Variants in EDEM3 observed in about 807,000 individuals in gnomAD.
The protein encoded by EDEM3 is ER degradation enhancing alpha-mannosidase like protein 3.
Under a neutral mutation model 110.2 loss-of-function variants are expected in EDEM3, and 60 were observed. The observed-to-expected ratio is 0.54, with a 90% CI of 0.44 to 0.67. The LOEUF (loss-of-function observed/expected upper bound fraction) is 0.67, where lower values mean the gene tolerates loss of function less well. EDEM3 is among the 30% of genes least tolerant of loss of function. The probability of loss-of-function intolerance (pLI) is 0.00; values close to 1 mark genes in which losing one functional copy is unlikely to be tolerated. For missense variants in EDEM3, 996 were observed against 1,121.0 expected (o/e 0.89, Z 1.59); for synonymous variants, 352 against 382.9 (o/e 0.92, Z 0.94).
intron 2 of EDEM3, among the ~76,000 whole-genome samples, chr1:184,744,249 A>AACAT (rs1269022771): frequency 1.1e-5 from 1 of 87,594 alleles, no homozygotes; most frequent in Non-Finnish European, 2.3e-5. Flanking sequence ...ACAAATGACA[A>AACAT]ATATATATAT....
intron 2 of EDEM3, among the ~76,000 whole-genome samples, chr1:184,747,307 C>T (rs1483379151): frequency 1.3e-5 from 2 of 152,188 alleles, no homozygotes; most frequent in Non-Finnish European, 2.9e-5. Flanking sequence ...TCAAGCCCTT[C>T]TAACTCCAAA....
At chr1:184,697,993 A>G (rs534132704) in intron 19 of EDEM3, among the ~76,000 whole-genome samples, 1 of 151,468 alleles carries the variant, frequency 6.6e-6, no homozygotes, top group Non-Finnish European at 1.5e-5. Flanking sequence ...GGAAATGCGC[A>G]CACACACAAA....
intron 6 of EDEM3, 46 bp downstream of exon 6, chr1:184,732,791 C>G: frequency 6.5e-7 from 1 of 1,549,082 alleles, no homozygotes; most frequent in Non-Finnish European, 8.7e-7. Context: ...TTTTGTAAAA[C>G]AGCAAAGAAA....
chr1:184,732,173 T>C (rs1355110295), intron 6 of EDEM3, among the ~76,000 whole-genome samples: 3 of 148,164 alleles, frequency 2.0e-5, no homozygotes, highest in Non-Finnish European at 4.5e-5. Flanking sequence ...GAGACTCCAT[T>C]CCCCCCCACC....
intron 9 of EDEM3, chr1:184,721,062 G>C (rs1571381538): frequency 2.5e-6 from 1 of 400,844 alleles, no homozygotes. Context: ...TGGCAGATCT[G>C]CAAAGTTTCT....
At position 184,737,799 on chromosome 1, in the gene EDEM3, TA is replaced by T. The variant is rs1651919091; in HGVS notation, c.205-89del. On this transcript the variant is annotated intron_variant, in intron 2 of 19. Coordinates refer to ENST00000318130, the MANE Select transcript of EDEM3 (RefSeq NM_025191.4). ...ACATAACTTTTTCACAGTTAAAAAATAAAATAATAGTCAAAAGTTGTACTAA... is the reference window on the plus strand; with the variant it reads ...ACATAACTTTTTCACAGTTAAAAAATAAATAATAGTCAAAAGTTGTACTAA... 3.5e-6 allele frequency: 4 copies of T among 1,128,282 alleles called. No homozygotes were observed. In the Admixed American group the frequency reaches 6.7e-5, roughly 19 times the overall value. 69.9% of individuals were successfully genotyped at this position (1,128,282 alleles called of 1,614,324 possible). A position where few individuals can be genotyped will look rare whatever the true frequency, so the allele number is the denominator to read the frequency against.
At chr1:184,713,289 AT>A (rs1414866068) in intron 13 of EDEM3, among the ~76,000 whole-genome samples, 2 of 152,124 alleles carry the variant, frequency 1.3e-5, no homozygotes, top group Admixed American at 6.6e-5. Context: ...AAATAGTTAC[AT>A]GAAAAAAGTA....
intron 15 of EDEM3, among the ~76,000 whole-genome samples, chr1:184,711,022 G>A (rs1189251948): frequency 6.6e-6 from 1 of 152,038 alleles, no homozygotes; most frequent in Non-Finnish European, 1.5e-5. Context: ...GCAAGAATAA[G>A]TACTCCCTCA....
rs34268021 is a variant in EDEM3 at position 184,720,509 on chromosome 1, C to CTTTTTTTTTTTTTTTTTTTTT, written c.951+779_951+780insAAAAAAAAAAAAAAAAAAAAA. Reference sequence around the variant, plus strand: ...AATTTAAACCAGTACATCTCCCATACTTTTTTTTTTTTTTTTTTGAGACGG... The same window carrying CTTTTTTTTTTTTTTTTTTTTT: ...AATTTAAACCAGTACATCTCCCATACTTTTTTTTTTTTTTTTTTTTTTTTTTTTTTTTTTTTTTTGAGACGG... On this transcript the variant is annotated intron_variant, in intron 9 of 19. Transcript: ENST00000318130. 17 of 127,440 alleles carry CTTTTTTTTTTTTTTTTTTTTT rather than the reference C, an allele frequency of 1.3e-4. 1 individual carries two copies. The highest frequency in any genetic ancestry group is 4.4e-4 in the African/African-American group (14 of 31,722). The allele number at this position is 127,440 out of a possible 1,614,324, so 7.9% of individuals were successfully genotyped here.
rs1040550876 is a variant in EDEM3 at position 184,690,349 on chromosome 1, AGCTTGGGTTTCTACAGCC to A, written c.*3696_*3713del. The A allele has an allele frequency of 2.0e-5, 3 of 152,450 alleles. No homozygotes were observed. The highest frequency in any genetic ancestry group is 7.3e-5 in the African/African-American group (3 of 41,364). 9.4% of individuals were successfully genotyped at this position (152,450 alleles called of 1,614,324 possible). ...AACAAAATCCTTACTTTAGCCCACA[AGCTTGGGTTTCTACAGCC>A]TAAAATGTCCCCAGAATTCAATCCC... On this transcript the variant is annotated 3_prime_UTR_variant, in exon 20 of 20. Transcript: ENST00000318130.
rs1427657261 is a variant in EDEM3 at position 184,694,437 on chromosome 1, C to T, written c.2425G>A (p.Glu809Lys). ...CCACTCTGATTCTGAGAATCATTTT[C>T]AGAGGATGGTTGTTCTTCATTTTCC... Reference protein sequence around the residue: ...EMENEEQPSSENDSQNQSGEQ... With the variant: ...EMENEEQPSSKNDSQNQSGEQ... The change falls in exon 20 of 20, where the codon GAA (glutamate) becomes AAA (lysine). Residue 809 changes from glutamate to lysine, a missense_variant. By Grantham distance (56) the Glu-to-Lys change is moderately conservative. This residue lies in a region of EDEM3 where 345 missense variants were observed against 402.0 expected (regional missense o/e 0.86). Coordinates refer to ENST00000318130, the MANE Select transcript of EDEM3 (RefSeq NM_025191.4). The T allele has an allele frequency of 1.9e-6, 3 of 1,607,428 alleles. No individual in the cohort carries two copies. In the Admixed American group the frequency reaches 5.0e-5, roughly 27 times the overall value.
At chr1:184,704,693 A>C (rs1649820090) in intron 18 of EDEM3, among the ~76,000 whole-genome samples, 1 of 143,900 alleles carries the variant, frequency 6.9e-6, no homozygotes, top group Admixed American at 7.0e-5. Flanking sequence ...TCTGAGAGTA[A>C]GGATCATCAT....
At chr1:184,701,880 T>C (rs1268688043) in intron 19 of EDEM3, among the ~76,000 whole-genome samples, 1 of 152,144 alleles carries the variant, frequency 6.6e-6, no homozygotes, top group African/African-American at 2.4e-5. Flanking sequence ...ATGATTATGC[T>C]AGCATGATTA....
intron 15 of EDEM3, among the ~76,000 whole-genome samples, chr1:184,710,830 G>A (rs575877416): frequency 6.6e-6 from 1 of 152,088 alleles, no homozygotes; most frequent in African/African-American, 2.4e-5. Flanking sequence ...TTTGCTTGGG[G>A]ATTTGTTACT....
Position 184,717,641 on chromosome 1 carries a change from C to T in EDEM3, c.1162-18G>A, listed in dbSNP as rs771907949. ...GTAAATGCCTGAACAAAACAACATA[C>T]AAAAGGCATAAAAAATGTGATTAAA... On this transcript the variant is annotated intron_variant, in intron 11 of 19. Transcript: ENST00000318130. 2 of 1,573,728 alleles carry T rather than the reference C, an allele frequency of 1.3e-6. No individual in the cohort carries two copies. The highest frequency in any genetic ancestry group is 1.4e-5 in the African/African-American group (1 of 72,704).
In EDEM3 at chr1:184,754,643, T is replaced by G. The variant is rs185774628; in HGVS notation, c.4A>C (p.Ser2Arg). The G allele has an allele frequency of 5.2e-5, 81 of 1,570,436 alleles. 1 individual carries two copies. Among genetic ancestry groups the G allele is most frequent in the South Asian group, 4.1e-4 (36 of 86,964 alleles). ...CCACAGCCCCGGCCGCCGGCTTCGC[T>G]CATGGCCCCGCGGTTCCGCGCACGC... The part of the protein sequence containing the change: M[S>R]EAGGRGCGSP... The change falls in exon 1 of 20, where the codon AGC (serine) becomes CGC (arginine). Residue 2 changes from serine (S) to arginine (R), a missense_variant. This residue lies in a region of EDEM3 where 200 missense variants were observed against 183.8 expected (regional missense o/e 1.09). Coordinates refer to ENST00000318130, the MANE Select transcript of EDEM3 (RefSeq NM_025191.4).
chr1:184,746,177 C>A (rs1387355832), intron 2 of EDEM3, among the ~76,000 whole-genome samples: 2 of 152,148 alleles, frequency 1.3e-5, no homozygotes, highest in African/African-American at 4.8e-5. Context: ...GTGTTAAAAA[C>A]CCAAAAATCC....
chr1:184,745,729 A>G (rs1284395276), intron 2 of EDEM3, among the ~76,000 whole-genome samples: 1 of 152,192 alleles, frequency 6.6e-6, no homozygotes, highest in Non-Finnish European at 1.5e-5. Flanking sequence ...ATCAAGCTTA[A>G]TAGTGGTTAT....
intron 6 of EDEM3, among the ~76,000 whole-genome samples, chr1:184,730,495 G>A (rs947315562): frequency 2.0e-5 from 3 of 152,182 alleles, no homozygotes; most frequent in African/African-American, 4.8e-5. Context: ...GCTGAGGTGG[G>A]AGGATCACTT....
Sources: gnomAD v4.1 joint callset for allele counts (sites outside exome capture counted in the v4.1 genomes callset) on GRCh38, gnomAD v4.1.1 for gene constraint, gnomAD v4.1.1 regional missense constraint, MANE v1.5 for transcripts, NCBI Gene and HGNC (gene_info 2026-07-23, HGNC 2026-07-21) for gene names.